Variants in TMEM11 observed in about 807,000 individuals in gnomAD.
The protein encoded by TMEM11 is transmembrane protein 11.
In TMEM11, 1 loss-of-function variant was observed where a neutral mutation model predicts 17.0. The ratio of observed to expected loss-of-function variants is 0.06; its 90% CI spans 0.02 to 0.28. TMEM11 has a LOEUF of 0.28. Among genes scored for constraint, TMEM11 ranks in the 10% least tolerant of loss-of-function variants. The pLI, the probability that TMEM11 is intolerant of heterozygous loss-of-function variation, is 1.00. For missense variants in TMEM11, 172 were observed against 252.9 expected, an observed-to-expected ratio of 0.68 and a Z score of 2.17; for synonymous variants, 122 against 118.1, an observed-to-expected ratio of 1.03 and a Z score of -0.21.
chr17:21,206,314 C>T (rs1003439681), intron 1 of TMEM11, among the ~76,000 whole-genome samples: 13 of 152,040 alleles, frequency 8.6e-5, no homozygotes, highest in African/African-American at 1.7e-4. Context: ...CTCCGCCTCC[C>T]GGGCTTAAGC....
chr17:21,203,547 T>TAAAAA, intron 1 of TMEM11, among the ~76,000 whole-genome samples: 1 of 152,138 alleles, frequency 6.6e-6, no homozygotes. Flanking sequence ...TGAAACCGTC[T>TAAAAA]TTACCAAAAA....
At chr17:21,206,288 C>G (rs572292736) in intron 1 of TMEM11, among the ~76,000 whole-genome samples, 23 of 152,280 alleles carry the variant, frequency 1.5e-4, no homozygotes, top group African/African-American at 5.5e-4. Flanking sequence ...ATGGCGCTAT[C>G]TCGACTCACT....
chr17:21,211,335 C>T, intron 1 of TMEM11: 1 of 828,354 alleles, frequency 1.2e-6, no homozygotes. Context: ...TCATAACTTT[C>T]TGCAGTGATG....
At chr17:21,201,851 C>T (rs927954395) in intron 1 of TMEM11, among the ~76,000 whole-genome samples, 4 of 152,214 alleles carry the variant, frequency 2.6e-5, no homozygotes, top group South Asian at 4.1e-4. Flanking sequence ...AGGCTGGTCT[C>T]GAACTCCTGG....
In TMEM11 at chr17:21,198,902, G is replaced by A. The variant is rs1974849855; in HGVS notation, c.63-62C>T. ...AGAGACAGGATGATTAGGCTGAGGA[G>A]CACTTAACTGTGTTTCAGCGCTGGG... On this transcript the variant is annotated intron_variant, in intron 1 of 1. Coordinates refer to ENST00000317635, the MANE Select transcript of TMEM11 (RefSeq NM_003876.3). This position sits in a 1 kb window ranked among gnomAD's most constrained non-coding sequence, Gnocchi z 6.5. The A allele has an allele frequency of 6.5e-7, 1 of 1,540,810 alleles. No homozygotes were observed. Among genetic ancestry groups the A allele is most frequent in the African/African-American group, 1.4e-5 (1 of 73,558 alleles).
chr17:21,199,868 C>T (rs1446710515), intron 1 of TMEM11, among the ~76,000 whole-genome samples: 1 of 152,232 alleles, frequency 6.6e-6, no homozygotes, highest in Admixed American at 6.5e-5. Context: ...GACAACGCTT[C>T]AAGAACAGTA....
chr17:21,212,430 T>C (rs1260284424), intron 1 of TMEM11, among the ~76,000 whole-genome samples: 1 of 152,184 alleles, frequency 6.6e-6, no homozygotes, highest in Admixed American at 6.5e-5. Flanking sequence ...CAAGCACTTG[T>C]CCCGACCAAA....
chr17:21,212,882 C>T (rs1469625993), intron 1 of TMEM11, among the ~76,000 whole-genome samples: 1 of 152,138 alleles, frequency 6.6e-6, no homozygotes, highest in Admixed American at 6.6e-5. Flanking sequence ...TAATACCAGG[C>T]GGGAGTTAGA....
intron 1 of TMEM11, among the ~76,000 whole-genome samples, chr17:21,199,328 G>GGAAAAAAAAAAA (rs534888975): frequency 1.3e-5 from 1 of 78,306 alleles, no homozygotes; most frequent in Non-Finnish European, 2.3e-5. Context: ...CTCAGTCTCA[G>GGAAAAAAAAAAA]AAAAAAAAAA....
At chr17:21,205,313 A>C (rs1255626837) in intron 1 of TMEM11, among the ~76,000 whole-genome samples, 2 of 152,110 alleles carry the variant, frequency 1.3e-5, no homozygotes, top group African/African-American at 4.8e-5. Flanking sequence ...TCCATTAGTG[A>C]CATGAATCAG....
chr17:21,213,799 T>C (rs1307192792), intron 1 of TMEM11: 5 of 443,248 alleles, frequency 1.1e-5, no homozygotes, highest in African/African-American at 8.4e-5. Context: ...AGGCCTGCGC[T>C]GGGCGCCAGT....
intron 1 of TMEM11, among the ~76,000 whole-genome samples, chr17:21,206,264 C>T (rs972365307): frequency 6.6e-6 from 1 of 152,184 alleles, no homozygotes; most frequent in Non-Finnish European, 1.5e-5. Context: ...CTCCATTGCC[C>T]AGGCTGGAGC....
At chr17:21,203,473 T>A (rs1272846646) in intron 1 of TMEM11, among the ~76,000 whole-genome samples, 1 of 147,616 alleles carries the variant, frequency 6.8e-6, no homozygotes, top group Non-Finnish European at 1.5e-5. Context: ...TCCCAGCACT[T>A]TGGGAGGCAA....
intron 1 of TMEM11, among the ~76,000 whole-genome samples, chr17:21,208,758 T>C (rs1974971553): frequency 6.6e-6 from 1 of 152,146 alleles, no homozygotes; most frequent in Admixed American, 6.5e-5. Context: ...TCATCGTAGT[T>C]TCCCCAGCAC....
intron 1 of TMEM11, among the ~76,000 whole-genome samples, chr17:21,203,384 A>C (rs1225033374): frequency 2.0e-5 from 3 of 152,204 alleles, no homozygotes; most frequent in Non-Finnish European, 4.4e-5. Flanking sequence ...TCAGGTCTGC[A>C]CTGCTGACAG....
At chr17:21,213,772 A>C in intron 1 of TMEM11, 1 of 343,288 alleles carries the variant, frequency 2.9e-6, no homozygotes, top group Non-Finnish European at 5.3e-6. Context: ...GCCCGCGGGC[A>C]GCTAGGCGGG....
intron 1 of TMEM11, among the ~76,000 whole-genome samples, chr17:21,207,872 G>C (rs1737865260): frequency 6.6e-6 from 1 of 151,780 alleles, no homozygotes; most frequent in South Asian, 2.1e-4. Flanking sequence ...AGGGGGACAA[G>C]AGCGAGACAT....
At chr17:21,212,754 C>CT (rs1975016522) in intron 1 of TMEM11, among the ~76,000 whole-genome samples, 2 of 152,158 alleles carry the variant, frequency 1.3e-5, no homozygotes, top group Non-Finnish European at 1.5e-5. Context: ...GTTTCTAATA[C>CT]TTTGTTTTCT....
chr17:21,202,711 C>A (rs1367601580), intron 1 of TMEM11, among the ~76,000 whole-genome samples: 4 of 152,344 alleles, frequency 2.6e-5, no homozygotes, highest in African/African-American at 4.8e-5. Flanking sequence ...GCCCTCCAGG[C>A]TCCCTCCCAC....
Sources: allele counts gnomAD v4.1 joint callset (sites outside exome capture counted in the v4.1 genomes callset), GRCh38; gene constraint gnomAD v4.1.1; non-coding constraint Gnocchi (gnomAD v3.1); transcripts MANE v1.5; gene names NCBI Gene and HGNC (gene_info 2026-07-23, HGNC 2026-07-21).